The following CFD variants were observed in gnomAD, a reference collection of about 807,000 sequenced individuals.
The protein encoded by CFD is complement factor D, also known as C3 convertase activator.
In CFD, 24 loss-of-function variants were observed where a neutral mutation model predicts 21.1. The ratio of observed to expected loss-of-function variants is 1.14; its 90% CI spans 0.82 to 1.60. CFD has a LOEUF of 1.60. Ranked by LOEUF, CFD falls within the 40% of genes most tolerant of loss-of-function variation. The pLI is 0.00. For synonymous variants in CFD, 242 were observed against 175.9 expected, an observed-to-expected ratio of 1.38 and a Z score of -2.97; for missense variants, 535 against 383.3, an observed-to-expected ratio of 1.40 and a Z score of -3.31.
chr19:860,532 G>C lies in CFD; in HGVS notation c.56-85G>C, dbSNP rs192328667. The C allele has an allele frequency of 1.5e-3, 1,949 of 1,306,470 alleles. 24 individuals carry two copies. The African/African-American group carries it at 0.026, about 17-fold the overall frequency. 80.9% of individuals were successfully genotyped at this position (1,306,470 alleles called of 1,614,324 possible). On this transcript the variant is annotated intron_variant, in intron 1 of 4. Coordinates refer to ENST00000327726, the MANE Select transcript of CFD (RefSeq NM_001928.4). ...TGGGATTCTTGCGGGGAGCGGCCTGGGGGGTGAGAGCTGGGATCCCGTCAG... is the reference window on the plus strand; with the variant it reads ...TGGGATTCTTGCGGGGAGCGGCCTGCGGGGTGAGAGCTGGGATCCCGTCAG...
At chr19:862,821 T>C (rs2145166314) in intron 4 of CFD, among the ~76,000 whole-genome samples, 1 of 147,278 alleles carries the variant, frequency 6.8e-6, no homozygotes, top group African/African-American at 2.5e-5. Flanking sequence ...TGGAAAGGGC[T>C]TGGAGCGGGG....
Position 862,531 on chromosome 19 carries a change from GGAAGGGGCGGGAACCTCT to G in CFD, c.616-552_616-535del, listed in dbSNP as rs1256664277. On this transcript the variant is annotated intron_variant, in intron 4 of 4. Transcript: ENST00000327726. The stretch of plus-strand genomic sequence containing the variant: ...GGCATGGGGACGGGGCGGGGCAGGT[GGAAGGGGCGGGAACCTCT>G]GAAGGGGCAGGGCTGGTGCGGAGCG... 6.7e-5 allele frequency among the ~76,000 whole-genome samples: 10 copies of G among 149,896 alleles called. No homozygotes were observed. The Middle Eastern group carries it at 0.01, about 155-fold the overall frequency.
rs374444350 is a variant in CFD at position 860,598 on chromosome 19, C to T, written c.56-19C>T. On this transcript the variant is annotated intron_variant, in intron 1 of 4. Transcript: ENST00000327726. ...GGAGGAGTCCACCCCGCGGCCCTCA[C>T]GCGCCCGCCCACCCACAGCGGCGCC... The T allele has an allele frequency of 1.4e-6, 2 of 1,414,874 alleles. No homozygotes were observed. Among genetic ancestry groups the T allele is most frequent in the South Asian group, 1.5e-5 (1 of 67,566 alleles). The allele number at this position is 1,414,874 out of a possible 1,614,324, so 87.6% of individuals were successfully genotyped here.
intron 4 of CFD, 71 bp downstream of exon 4, chr19:862,027 A>C: frequency 6.8e-7 from 1 of 1,474,926 alleles, no homozygotes. Context: ...GGGAGCGCGA[A>C]GCGGGGGGCA....
rs904385754 is a variant in CFD at position 863,112 on chromosome 19, G to GGTGTGCGGGGGC, written c.640_651dup (p.Cys214_Val217dup). 2 of 1,527,170 alleles carry GGTGTGCGGGGGC rather than the reference G, an allele frequency of 1.3e-6. No individual in the cohort carries two copies. Among genetic ancestry groups the GGTGTGCGGGGGC allele is most frequent in the Non-Finnish European group, 1.8e-6 (2 of 1,139,626 alleles). The allele number at this position is 1,527,170 out of a possible 1,614,324, so 94.6% of individuals were successfully genotyped here. The stretch of plus-strand genomic sequence containing the variant: ...GGCAGGGTGACTCCGGGGGCCCGCT[G>GGTGTGCGGGGGC]GTGTGCGGGGGCGTGCTCGAGGGCG... On this transcript the variant is annotated inframe_insertion, in exon 5 of 5. Transcript: ENST00000327726.
At chr19:861,152 C>T in intron 3 of CFD, 147 bp downstream of exon 3, 2 of 657,376 alleles carry the variant, frequency 3.0e-6, no homozygotes, top group Non-Finnish European at 5.4e-6. Flanking sequence ...ACCCTCACCC[C>T]GGGTCTAGCC....
chr19:863,101 G>T lies in CFD; in HGVS notation c.625G>T (p.Gly209Trp), dbSNP rs1019701292. Residue 209 changes from glycine (G) to tryptophan (W), a missense_variant, in exon 5 of 5, where the codon GGG becomes TGG. Coordinates refer to ENST00000327726, the MANE Select transcript of CFD (RefSeq NM_001928.4). The part of the protein sequence containing the change: ...NRRDSCKGDS[G>W]GPLVCGGVLE... ...CGTCCTGTTCCGGCAGGGTGACTCC[G>T]GGGGCCCGCTGGTGTGCGGGGGCGT... 4 of 1,524,668 alleles carry T rather than the reference G, an allele frequency of 2.6e-6. No homozygotes were observed. The highest frequency in any genetic ancestry group is 2.5e-5 in the East Asian group (1 of 40,528). The allele number at this position is 1,524,668 out of a possible 1,614,324, so 94.4% of individuals were successfully genotyped here.
At chr19:860,027 T>C (rs1247746990) in intron 1 of CFD, among the ~76,000 whole-genome samples, 1 of 152,020 alleles carries the variant, frequency 6.6e-6, no homozygotes, top group Non-Finnish European at 1.5e-5. Context: ...GTCAGCCCCA[T>C]TTCTCTTATG....
chr19:863,020 G>C (rs1025921840), intron 4 of CFD, 72 bp from the exon 5 acceptor site: 6 of 1,410,982 alleles, frequency 4.3e-6, no homozygotes, highest in East Asian at 2.5e-5. Flanking sequence ...GCGGCAGCCA[G>C]GTGAGGGGGT....
chr19:863,241 T>C lies in CFD; in HGVS notation c.*3T>C. The C allele has an allele frequency of 6.5e-7, 1 of 1,546,888 alleles. No homozygotes were observed. On this transcript the variant is annotated 3_prime_UTR_variant, in exon 5 of 5. Coordinates refer to ENST00000327726, the MANE Select transcript of CFD (RefSeq NM_001928.4). Reference sequence around the variant, plus strand: ...GGATCGACAGCGTCCTGGCCTAGGGTGCCGGGGCCTGAAGGTCAGGGTCAC... The same window carrying C: ...GGATCGACAGCGTCCTGGCCTAGGGCGCCGGGGCCTGAAGGTCAGGGTCAC...
chr19:862,025 G>C (rs1313076024), intron 4 of CFD, 69 bp downstream of exon 4: 3 of 1,491,634 alleles, frequency 2.0e-6, no homozygotes, highest in Non-Finnish European at 2.7e-6. Flanking sequence ...GAGGGAGCGC[G>C]AAGCGGGGGG....
At position 862,954 on chromosome 19, in the gene CFD, T is replaced by C. The variant is rs891594992; in HGVS notation, c.616-138T>C. 1.7e-5 allele frequency: 14 copies of C among 845,684 alleles called. No homozygotes were observed. The Admixed American group carries it at 2.0e-4, about 12-fold the overall frequency. 52.4% of individuals were successfully genotyped at this position (845,684 alleles called of 1,614,324 possible). A position where few individuals can be genotyped will look rare whatever the true frequency, so the allele number is the denominator to read the frequency against. ...GGCGATAGGCGTGGCGCGGGGCTAT[T>C]GACTAGTGAAGACCAAATTAACACG... On this transcript the variant is annotated intron_variant, in intron 4 of 4. Transcript: ENST00000327726.
intron 4 of CFD, among the ~76,000 whole-genome samples, chr19:862,838 C>T (rs540867033): frequency 1.0e-5 from 1 of 99,936 alleles, no homozygotes; most frequent in South Asian, 3.1e-4. Context: ...GGGGTGGGGT[C>T]GGGGGAACAC....
In CFD at chr19:863,153, C is replaced by T. The variant is rs544993450; in HGVS notation, c.677C>T (p.Ser226Leu). ...GVLEGVVTSGSRVCGNRKKPG... is the reference protein window; with the variant it reads ...GVLEGVVTSGLRVCGNRKKPG... ...CTCGAGGGCGTGGTCACCTCGGGCTCGCGCGTTTGCGGCAACCGCAAGAAG... is the reference window on the plus strand; with the variant it reads ...CTCGAGGGCGTGGTCACCTCGGGCTTGCGCGTTTGCGGCAACCGCAAGAAG... Residue 226 changes from serine (S) to leucine (L), a missense_variant, in exon 5 of 5, where the codon TCG becomes TTG. By Grantham distance (145) the Ser-to-Leu change is moderately radical (BLOSUM62 -2). Transcript: ENST00000327726. 5 of 1,535,820 alleles carry T rather than the reference C, an allele frequency of 3.3e-6. No individual in the cohort carries two copies. The South Asian group carries it at 3.6e-5, about 11-fold the overall frequency.
chr19:862,024 C>T, intron 4 of CFD, 68 bp downstream of exon 4: 1 of 1,490,856 alleles, frequency 6.7e-7, no homozygotes, highest in Non-Finnish European at 8.8e-7. Flanking sequence ...AGAGGGAGCG[C>T]GAAGCGGGGG....
intron 1 of CFD, among the ~76,000 whole-genome samples, chr19:860,342 G>A (rs2035767042): frequency 1.3e-5 from 2 of 151,654 alleles, no homozygotes; most frequent in African/African-American, 4.8e-5. Flanking sequence ...AGGCCACGCC[G>A]ACTAAATTTT....
intron 4 of CFD, 124 bp downstream of exon 4, chr19:862,080 C>G: frequency 3.3e-4 from 159 of 477,056 alleles, no homozygotes; most frequent in East Asian, 3.8e-4. Flanking sequence ...GCGTAGGGGG[C>G]GGGAACTGGA....
intron 1 of CFD, 110 bp downstream of exon 1, chr19:859,854 T>C: frequency 1.3e-6 from 1 of 784,220 alleles, no homozygotes; most frequent in Non-Finnish European, 2.2e-6. Flanking sequence ...GAAGGGGGTG[T>C]CTCTCCTCAC....
At chr19:861,978 G>A in intron 4 of CFD, 22 bp downstream of exon 4, 1 of 1,534,034 alleles carries the variant, frequency 6.5e-7, no homozygotes, top group Non-Finnish European at 8.7e-7. Context: ...GGCCTGGGAG[G>A]AGACGCGGGG....
Sources: gnomAD v4.1 joint callset for allele counts (sites outside exome capture counted in the v4.1 genomes callset) on GRCh38, gnomAD v4.1.1 for gene constraint, MANE v1.5 for transcripts, NCBI Gene and HGNC (gene_info 2026-07-23, HGNC 2026-07-21) for gene names.